SUMF1: variants seen among roughly 807,000 people sequenced by gnomAD.
The protein encoded by SUMF1 is formylglycine-generating enzyme.
A neutral mutation model predicts 47.6 loss-of-function variants in SUMF1; 48 were observed. That is an observed-to-expected ratio of 1.01 (90% CI 0.80 to 1.28). The LOEUF is 1.28. Among genes scored for constraint, SUMF1 ranks in the 50% most tolerant of loss-of-function variants. The pLI, the probability that SUMF1 is intolerant of heterozygous loss-of-function variation, is 0.00. For missense variants in SUMF1, 571 were observed against 485.4 expected (o/e 1.18, Z -1.66); for synonymous variants, 230 against 192.1 (o/e 1.20, Z -1.63).
chr3:4,259,901 C>T (rs186081689), intron 8 of SUMF1, among the ~76,000 whole-genome samples: 26 of 151,592 alleles, frequency 1.7e-4, no homozygotes, highest in Admixed American at 1.3e-3. Flanking sequence ...TTTTAACCAA[C>T]GGAGATAATA....
At chr3:4,295,438 A>G (rs968524762) in intron 8 of SUMF1, among the ~76,000 whole-genome samples, 2 of 151,788 alleles carry the variant, frequency 1.3e-5, no homozygotes, top group Non-Finnish European at 2.9e-5. Context: ...GCAAGCAGAA[A>G]AGGCTGGTGG....
chr3:4,199,488 TAGG>T (rs1230894754), intron 8 of SUMF1, among the ~76,000 whole-genome samples: 1 of 152,140 alleles, frequency 6.6e-6, no homozygotes, highest in Non-Finnish European at 1.5e-5. Context: ...GGCAAATACA[TAGG>T]AGAGAAATTT....
chr3:4,349,180 G>A (rs218034), intron 8 of SUMF1, among the ~76,000 whole-genome samples: 117,887 of 152,140 alleles, frequency 0.77, 46,222 homozygotes, highest in African/African-American at 0.89. Context: ...CCTTATCAAA[G>A]AGTGGGTGAA....
At chr3:4,150,947 C>G (rs1227640412) in intron 8 of SUMF1, among the ~76,000 whole-genome samples, 1 of 151,476 alleles carries the variant, frequency 6.6e-6, no homozygotes, top group African/African-American at 2.5e-5. Context: ...TCTTTCTGCT[C>G]TCTTCGAAAG....
intron 8 of SUMF1, among the ~76,000 whole-genome samples, chr3:4,353,076 A>G (rs1294446141): frequency 6.6e-6 from 1 of 152,170 alleles, no homozygotes; most frequent in East Asian, 1.9e-4. Context: ...AATTTCTGTA[A>G]TGTGCAATAT....
chr3:4,076,781 G>T (rs1243822), intron 8 of SUMF1, among the ~76,000 whole-genome samples: 9 of 151,814 alleles, frequency 5.9e-5, no homozygotes, highest in South Asian at 4.2e-4. Context: ...GGGCGGATCA[G>T]GAGGTCAGGA....
chr3:4,277,345 A>T (rs777380146), intron 8 of SUMF1, among the ~76,000 whole-genome samples: 1 of 152,180 alleles, frequency 6.6e-6, no homozygotes, highest in Non-Finnish European at 1.5e-5. Context: ...ATCAACATAA[A>T]TTATAATTAC....
intron 8 of SUMF1, among the ~76,000 whole-genome samples, chr3:4,213,632 C>G (rs917321814): frequency 2.0e-5 from 3 of 152,114 alleles, no homozygotes; most frequent in Non-Finnish European, 4.4e-5. Flanking sequence ...TGGATAGAGT[C>G]AAGACCCATC....
intron 8 of SUMF1, among the ~76,000 whole-genome samples, chr3:4,343,130 C>A (rs1192176711): frequency 1.3e-5 from 2 of 152,188 alleles, no homozygotes; most frequent in African/African-American, 2.4e-5. Flanking sequence ...GGCCAAGGAC[C>A]AGCTCTGAGG....
chr3:4,252,775 C>G (rs975121410), intron 8 of SUMF1, among the ~76,000 whole-genome samples: 3 of 152,036 alleles, frequency 2.0e-5, no homozygotes, highest in African/African-American at 7.2e-5. Flanking sequence ...AGAACTTTAC[C>G]TCCAAGAAAA....
rs571005710 is a variant in SUMF1, at chr3:4,073,199, G to C, written c.1015-4454C>G. The stretch of plus-strand genomic sequence containing the variant: ...CAATATTCAACATTCTTAAAGAAAA[G>C]AATTTTCAACCCAGAATTTCATATC... On this transcript the variant is annotated intron_variant and NMD_transcript_variant, in intron 8 of 12. Coordinates refer to the SUMF1 transcript ENST00000448413. Among the ~76,000 whole-genome samples the C allele has an allele frequency of 4.2e-4, 64 of 152,236 alleles. No individual in the cohort carries two copies. In the South Asian group the frequency reaches 0.012, roughly 28 times the overall value.
chr3:4,360,088 G>A (rs1699709337), downstream of SUMF1, among the ~76,000 whole-genome samples: 1 of 151,932 alleles, frequency 6.6e-6, no homozygotes, highest in African/African-American at 2.4e-5. Flanking sequence ...ATATAACAAT[G>A]TAAAAAATAT....
intron 8 of SUMF1, among the ~76,000 whole-genome samples, chr3:4,238,171 G>C (rs1696452658): frequency 6.6e-6 from 1 of 152,086 alleles, no homozygotes; most frequent in South Asian, 2.1e-4. Flanking sequence ...TCTTTATCCA[G>C]TCTATCATTG....
At chr3:4,087,480 C>T (rs1692696932) in intron 8 of SUMF1, among the ~76,000 whole-genome samples, 1 of 152,136 alleles carries the variant, frequency 6.6e-6, no homozygotes. Context: ...CTTCAATGTC[C>T]ATCTTCTTGA....
intron 2 of SUMF1, 76 bp downstream of exon 2, chr3:4,452,800 A>G: frequency 2.6e-6 from 4 of 1,557,220 alleles, no homozygotes; most frequent in Non-Finnish European, 3.5e-6. Context: ...TGGTCAGTCA[A>G]TCTTAGCTGC....
chr3:4,339,843 G>A (rs188256523), intron 8 of SUMF1, among the ~76,000 whole-genome samples: 167 of 152,238 alleles, frequency 1.1e-3, no homozygotes, highest in African/African-American at 3.2e-3. Context: ...TTGGGAGGCC[G>A]AGGCAGGCAG....
intron 8 of SUMF1, among the ~76,000 whole-genome samples, chr3:4,082,477 A>C (rs974827452): frequency 1.3e-5 from 2 of 152,024 alleles, no homozygotes; most frequent in Non-Finnish European, 2.9e-5. Flanking sequence ...TGTTTCAAAA[A>C]TTAAGTAATT....
At chr3:4,139,570 G>A (rs1255092952) in intron 8 of SUMF1, among the ~76,000 whole-genome samples, 2 of 150,076 alleles carry the variant, frequency 1.3e-5, no homozygotes, top group African/African-American at 2.4e-5. Flanking sequence ...ATATATGCAT[G>A]TGTGTGTGTG....
intron 8 of SUMF1, among the ~76,000 whole-genome samples, chr3:4,166,229 C>T (rs553610796): frequency 2.6e-5 from 4 of 152,248 alleles, no homozygotes; most frequent in Non-Finnish European, 5.9e-5. Context: ...AGTACTGGGA[C>T]CTTACCTTTC....
Sources: allele counts gnomAD v4.1 joint callset (sites outside exome capture counted in the v4.1 genomes callset), GRCh38; gene constraint gnomAD v4.1.1; transcripts MANE v1.5; gene names NCBI Gene and HGNC (gene_info 2026-07-23, HGNC 2026-07-21).